Variants in MYO1D observed in about 807,000 individuals in gnomAD.
The protein encoded by MYO1D is unconventional myosin-Id.
In MYO1D, 83 loss-of-function variants were observed where a neutral mutation model predicts 122.0. The observed-to-expected ratio is 0.68, with a 90% CI of 0.57 to 0.82. MYO1D has a LOEUF of 0.82. Among genes scored for constraint, MYO1D ranks in the 40% least tolerant of loss-of-function variants. The pLI is 0.00. For synonymous variants in MYO1D, 464 were observed against 446.9 expected, an observed-to-expected ratio of 1.04 and a Z score of -0.48; for missense variants, 1,157 against 1,269.5, an observed-to-expected ratio of 0.91 and a Z score of 1.35.
At chr17:32,503,232 T>C (rs1416840228) in intron 21 of MYO1D, among the ~76,000 whole-genome samples, 2 of 152,084 alleles carry the variant, frequency 1.3e-5, no homozygotes, top group South Asian at 4.1e-4. Context: ...CCAGAAAACA[T>C]CCCCTCCCAT....
chr17:32,576,427 G>A (rs1947274316), intron 21 of MYO1D, among the ~76,000 whole-genome samples: 1 of 152,142 alleles, frequency 6.6e-6, no homozygotes, highest in African/African-American at 2.4e-5. Context: ...AAAGGACGGT[G>A]ACAAGGTTTT....
chr17:32,606,013 C>T (rs1212690942), intron 20 of MYO1D, among the ~76,000 whole-genome samples: 1 of 151,974 alleles, frequency 6.6e-6, no homozygotes, highest in East Asian at 1.9e-4. Flanking sequence ...GGCAGGAGAA[C>T]TGTTTGAACC....
Position 32,733,585 on chromosome 17 carries a change from T to TTG in MYO1D, c.1746+4666_1746+4667dup, listed in dbSNP as rs754674980. On this transcript the variant is annotated intron_variant, in intron 14 of 21. Transcript: ENST00000318217. ...CATGTAGCCCTTTAAAGACTCACCATTGTGTGTGTGTGTGTGCACAGAATT... is the reference window on the plus strand; with the variant it reads ...CATGTAGCCCTTTAAAGACTCACCATTGTGTGTGTGTGTGTGTGCACAGAATT... Among the ~76,000 whole-genome samples, 144 of 151,760 alleles carry TTG rather than the reference T, an allele frequency of 9.5e-4. 1 individual carries two copies. Among genetic ancestry groups the TTG allele is most frequent in the African/African-American group, 2.8e-3 (116 of 41,412 alleles).
chr17:32,758,090 C>G (rs550275500), intron 10 of MYO1D, among the ~76,000 whole-genome samples: 1 of 152,218 alleles, frequency 6.6e-6, no homozygotes, highest in South Asian at 2.1e-4. Flanking sequence ...GACTCTGAAT[C>G]CAGTCAAGAC....
rs1448802643 is a variant in MYO1D at position 32,749,024 on chromosome 17, A to G, written c.1468-18T>C. On this transcript the variant is annotated intron_variant, in intron 11 of 21. Coordinates refer to ENST00000318217, the MANE Select transcript of MYO1D (RefSeq NM_015194.3). ...GCACAGAGCTAAGGAATCAAGAAGG[A>G]TATTATTTTGAAAACAGACATTTTT... The G allele has an allele frequency of 2.5e-6, 4 of 1,601,846 alleles. No individual in the cohort carries two copies. The highest frequency in any genetic ancestry group is 1.7e-4 in the Middle Eastern group (1 of 6,042).
At chr17:32,869,334 G>C (rs1567679352) in intron 1 of MYO1D, among the ~76,000 whole-genome samples, 2 of 152,206 alleles carry the variant, frequency 1.3e-5, no homozygotes, top group African/African-American at 4.8e-5. Context: ...TGATAAAGGA[G>C]AGACATACAA....
At chr17:32,567,468 T>A (rs2087184344) in intron 21 of MYO1D, among the ~76,000 whole-genome samples, 1 of 152,210 alleles carries the variant, frequency 6.6e-6, no homozygotes, top group Non-Finnish European at 1.5e-5. Context: ...CAGCAGGTGT[T>A]GTCGTCACAA....
At chr17:32,564,863 A>G (rs1436859418) in intron 21 of MYO1D, among the ~76,000 whole-genome samples, 5 of 152,236 alleles carry the variant, frequency 3.3e-5, no homozygotes, top group African/African-American at 9.6e-5. Context: ...TCACTGTTAC[A>G]AAGGTCAATC....
intron 1 of MYO1D, among the ~76,000 whole-genome samples, chr17:32,817,848 C>T (rs889380964): frequency 8.6e-5 from 13 of 151,984 alleles, no homozygotes; most frequent in African/African-American, 2.9e-4. Context: ...TAGTAGGGGC[C>T]GGGCGCGGTG....
chr17:32,643,726 C>T (rs2088241629), intron 19 of MYO1D, among the ~76,000 whole-genome samples: 1 of 152,124 alleles, frequency 6.6e-6, no homozygotes, highest in South Asian at 2.1e-4. Flanking sequence ...TTATGGTATT[C>T]TCTGATGGTA....
chr17:32,697,063 GTAGGTGCCTCTT>G (rs1279247729), intron 16 of MYO1D, among the ~76,000 whole-genome samples: 1 of 152,148 alleles, frequency 6.6e-6, no homozygotes, highest in Non-Finnish European at 1.5e-5. Context: ...CCCAGCTCAG[GTAGGTGCCTCTT>G]CTCTGAGCCC....
At chr17:32,694,670 C>A (rs936319291) in intron 16 of MYO1D, among the ~76,000 whole-genome samples, 2 of 132,326 alleles carry the variant, frequency 1.5e-5, no homozygotes, top group Admixed American at 1.8e-4. Context: ...CACTGCAGTC[C>A]GCAGTCCGGC....
At chr17:32,805,452 A>T (rs1284072200) in intron 1 of MYO1D, among the ~76,000 whole-genome samples, 1 of 152,222 alleles carries the variant, frequency 6.6e-6, no homozygotes, top group East Asian at 1.9e-4. Flanking sequence ...AAACCAAATT[A>T]TGGTGAAGGA....
chr17:32,871,004 G>C (rs994681765), intron 1 of MYO1D, among the ~76,000 whole-genome samples: 3 of 152,180 alleles, frequency 2.0e-5, no homozygotes, highest in African/African-American at 7.2e-5. Context: ...GAGAGCACAT[G>C]AGAATGTGAC....
chr17:32,834,784 C>T (rs1454966959), intron 1 of MYO1D, among the ~76,000 whole-genome samples: 2 of 152,204 alleles, frequency 1.3e-5, no homozygotes, highest in East Asian at 3.9e-4. Flanking sequence ...AAGGCCGAGG[C>T]GGGCAGATCA....
At chr17:32,827,761 G>A (rs958028325) in intron 1 of MYO1D, among the ~76,000 whole-genome samples, 2 of 152,142 alleles carry the variant, frequency 1.3e-5, no homozygotes, top group East Asian at 3.9e-4. Flanking sequence ...CAGATGGTCA[G>A]TGACTATGTA....
chr17:32,638,847 C>T lies in MYO1D; in HGVS notation c.2596-12G>A, dbSNP rs746167972. The stretch of plus-strand genomic sequence containing the variant: ...CTAAATCGATTTACCTGTAAGAGAA[C>T]AAACCAATAAACCATAGTATCTCAT... On this transcript the variant is annotated splice_polypyrimidine_tract_variant and intron_variant, in intron 19 of 21. Transcript: ENST00000318217. 2 of 1,554,970 alleles carry T rather than the reference C, an allele frequency of 1.3e-6. No individual in the cohort carries two copies. Among genetic ancestry groups the T allele is most frequent in the South Asian group, 2.2e-5 (2 of 89,884 alleles).
chr17:32,494,902 G>A lies in MYO1D; in HGVS notation c.2878C>T (p.Leu960Phe). ...VNHFKSEKRH[L>F]QVNVTNPVQC... ...ACTGGGTTGGTGACGTTCACTTGAA[G>A]GTGGCGCTTCTCACTGCAGGAACCA... The change falls in exon 22 of 22, where the codon CTT (leucine) becomes TTT (phenylalanine). Residue 960 changes from leucine (L) to phenylalanine (F), a missense_variant. Transcript: ENST00000318217. The A allele has an allele frequency of 1.9e-6, 3 of 1,601,460 alleles. No homozygotes were observed. Among genetic ancestry groups the A allele is most frequent in the Non-Finnish European group, 2.6e-6 (3 of 1,171,276 alleles).
chr17:32,632,175 T>C (rs1265802125), intron 20 of MYO1D, among the ~76,000 whole-genome samples: 1 of 151,966 alleles, frequency 6.6e-6, no homozygotes, highest in Non-Finnish European at 1.5e-5. Context: ...AGATTTTGAG[T>C]TTTTAAAGTT....
Sources: allele counts gnomAD v4.1 joint callset (sites outside exome capture counted in the v4.1 genomes callset), GRCh38; gene constraint gnomAD v4.1.1; transcripts MANE v1.5; gene names NCBI Gene and HGNC (gene_info 2026-07-23, HGNC 2026-07-21).